The following RERE variants were observed in gnomAD, a reference collection of about 807,000 sequenced individuals.
RERE encodes arginine-glutamic acid dipeptide repeats protein.
RERE carries 40 observed loss-of-function variants against 146.1 expected under a neutral mutation model. The ratio of observed to expected loss-of-function variants is 0.27; its 90% confidence interval spans 0.21 to 0.36. The LOEUF (loss-of-function observed/expected upper bound fraction) is 0.36. RERE is among the 10% of genes least tolerant of loss of function. RERE has a pLI of 1.00. For missense variants in RERE, 1,933 were observed against 2,138.7 expected (o/e 0.90, Z 1.90); for synonymous variants, 1,003 against 866.0 (o/e 1.16, Z -2.78).
At chr1:8,366,616 G>A (rs561102571) in intron 12 of RERE, among the ~76,000 whole-genome samples, 3 of 152,262 alleles carry the variant, frequency 2.0e-5, no homozygotes, top group African/African-American at 7.2e-5. Context: ...CCGGCACGAC[G>A]TCCAGAGGCA....
intron 11 of RERE, among the ~76,000 whole-genome samples, chr1:8,448,832 C>T (rs1043112303): frequency 3.3e-5 from 5 of 150,254 alleles, no homozygotes; most frequent in South Asian, 4.2e-4. Context: ...CCATCTCAAA[C>T]AATCAATCAA....
chr1:8,758,327 C>T (rs1333794166), intron 1 of RERE, among the ~76,000 whole-genome samples: 1 of 151,848 alleles, frequency 6.6e-6, no homozygotes, highest in Non-Finnish European at 1.5e-5. Context: ...CCTGATCCAC[C>T]CACCCAGCCA....
intron 7 of RERE, among the ~76,000 whole-genome samples, chr1:8,520,099 A>C (rs1645471560): frequency 6.6e-6 from 1 of 152,240 alleles, no homozygotes; most frequent in Non-Finnish European, 1.5e-5. Context: ...AAAAACAAAG[A>C]GATTTAGTCA....
rs765520880 is a variant in RERE, at chr1:8,361,498, C to A, written c.2017-8G>T. ...GTTGGGCCTGCTGATCTCCTGGAGT[C>A]AGAGAAGGGAAGGATGGAAGTCCCA... On this transcript the variant is annotated splice_polypyrimidine_tract_variant and splice_region_variant and intron_variant, in intron 17 of 22. Transcript: ENST00000400908. The A allele has an allele frequency of 4.2e-5, 68 of 1,608,540 alleles. No homozygotes were observed. Among genetic ancestry groups the A allele is most frequent in the Non-Finnish European group, 9.3e-6 (11 of 1,179,944 alleles).
intron 1 of RERE, among the ~76,000 whole-genome samples, chr1:8,812,285 A>C (rs773958828): frequency 2.0e-5 from 3 of 152,148 alleles, no homozygotes; most frequent in Non-Finnish European, 4.4e-5. Flanking sequence ...TTTATAACTA[A>C]CCATATAAGG....
chr1:8,602,879 A>C (rs1312145745), intron 4 of RERE, among the ~76,000 whole-genome samples: 2 of 152,236 alleles, frequency 1.3e-5, no homozygotes, highest in Non-Finnish European at 1.5e-5. Flanking sequence ...AATTAAAACA[A>C]ACTATCAATA....
chr1:8,649,729 C>CAA (rs112009419), intron 2 of RERE, among the ~76,000 whole-genome samples: 20 of 78,720 alleles, frequency 2.5e-4, no homozygotes, highest in Admixed American at 9.3e-4. Flanking sequence ...GACTCCGTCT[C>CAA]AAAAAAAAAA....
At chr1:8,761,069 T>C (rs1640747806) in intron 1 of RERE, among the ~76,000 whole-genome samples, 1 of 152,168 alleles carries the variant, frequency 6.6e-6, no homozygotes, top group South Asian at 2.1e-4. Flanking sequence ...ACCCAATCCT[T>C]CTGTTCTCAA....
chr1:8,566,604 G>A (rs1419622981), intron 4 of RERE, among the ~76,000 whole-genome samples: 14 of 151,774 alleles, frequency 9.2e-5, no homozygotes, highest in Admixed American at 9.2e-4. Flanking sequence ...GGGCAACAGA[G>A]CAAGACTCTG....
chr1:8,746,584 C>T (rs148862136), intron 1 of RERE, among the ~76,000 whole-genome samples: 34 of 152,176 alleles, frequency 2.2e-4, no homozygotes, highest in Middle Eastern at 3.4e-3. Flanking sequence ...TTTCTATTGA[C>T]TGTGTATCAT....
intron 10 of RERE, among the ~76,000 whole-genome samples, chr1:8,477,769 G>T (rs1012610093): frequency 1.3e-5 from 2 of 152,200 alleles, no homozygotes; most frequent in African/African-American, 4.8e-5. Flanking sequence ...GGGCTCAGCA[G>T]TCTGAATCTC....
At chr1:8,496,880 T>G (rs1054413870) in intron 9 of RERE, among the ~76,000 whole-genome samples, 26 of 152,238 alleles carry the variant, frequency 1.7e-4, no homozygotes, top group African/African-American at 6.3e-4. Flanking sequence ...GTTTTGTTTT[T>G]GTTTTAAATT....
intron 12 of RERE, among the ~76,000 whole-genome samples, chr1:8,400,837 C>CAAA (rs147651647): frequency 5.1e-5 from 3 of 58,662 alleles, no homozygotes; most frequent in Non-Finnish European, 9.4e-5. Flanking sequence ...AACACCATCT[C>CAAA]AAAAAAAAAA....
chr1:8,396,320 C>T (rs1047308604), intron 12 of RERE, among the ~76,000 whole-genome samples: 4 of 152,148 alleles, frequency 2.6e-5, no homozygotes, highest in African/African-American at 7.2e-5. Context: ...AGTTGAAGAA[C>T]GTGACATGGA....
At chr1:8,745,587 T>C (rs1461899117) in intron 1 of RERE, among the ~76,000 whole-genome samples, 3 of 152,164 alleles carry the variant, frequency 2.0e-5, no homozygotes, top group Non-Finnish European at 1.5e-5. Context: ...GCGATGACAT[T>C]ATACTCCTGC....
intron 1 of RERE, among the ~76,000 whole-genome samples, chr1:8,757,446 T>C (rs1382147886): frequency 6.6e-6 from 1 of 152,224 alleles, no homozygotes; most frequent in Non-Finnish European, 1.5e-5. Flanking sequence ...GCATCACTAA[T>C]GTAATACTAA....
chr1:8,365,748 G>A, intron 13 of RERE, 64 bp downstream of exon 13: 1 of 1,579,644 alleles, frequency 6.3e-7, no homozygotes, highest in Non-Finnish European at 8.7e-7. Context: ...CGGGCCCAGA[G>A]TGGGACAGGC....
At chr1:8,795,347 G>A (rs1641448424) in intron 1 of RERE, among the ~76,000 whole-genome samples, 2 of 150,478 alleles carry the variant, frequency 1.3e-5, no homozygotes, top group African/African-American at 4.9e-5. Flanking sequence ...TTTCTTTTTA[G>A]GAGACAAAGT....
At chr1:8,361,558 TGCCGGACACACAGTAATGTTTGTGCA>T in intron 17 of RERE, 68 bp from the exon 18 acceptor site, 1 of 1,562,934 alleles carries the variant, frequency 6.4e-7, no homozygotes, top group Non-Finnish European at 8.7e-7. Context: ...GCACCACCAG[TGCCGGACACACAGTAATGTTTGTGCA>T]GATGAAGCAG....
Sources: allele counts gnomAD v4.1 joint callset (sites outside exome capture counted in the v4.1 genomes callset), GRCh38; gene constraint gnomAD v4.1.1; transcripts MANE v1.5; gene names NCBI Gene and HGNC (gene_info 2026-07-23, HGNC 2026-07-21).